The following NTM variants were observed in gnomAD, a reference collection of about 807,000 sequenced individuals.
NTM encodes IgLON family member 2.
A neutral mutation model predicts 42.1 loss-of-function variants in NTM; 13 were observed. The ratio of observed to expected loss-of-function variants is 0.31; its 90% confidence interval spans 0.20 to 0.49. The LOEUF (loss-of-function observed/expected upper bound fraction) is 0.49. Among genes scored for constraint, NTM ranks in the 20% least tolerant of loss-of-function variants. The probability of loss-of-function intolerance (pLI) is 0.99; values close to 1 mark genes in which losing one functional copy is unlikely to be tolerated. For synonymous variants in NTM, 187 were observed against 179.2 expected (o/e 1.04, Z -0.35); for missense variants, 373 against 452.8 (o/e 0.82, Z 1.60).
chr11:131,520,250 T>G (rs2049452996), intron 1 of NTM, among the ~76,000 whole-genome samples: 2 of 152,164 alleles, frequency 1.3e-5, no homozygotes, highest in Non-Finnish European at 1.5e-5. Flanking sequence ...TAGTTCTAGG[T>G]GCTTTATAAA....
chr11:131,723,364 C>T (rs1289363896), intron 1 of NTM, among the ~76,000 whole-genome samples: 1 of 152,198 alleles, frequency 6.6e-6, no homozygotes, highest in African/African-American at 2.4e-5. Flanking sequence ...TCCGCTCAAG[C>T]GATGTAGATT....
At chr11:131,906,992 C>A (rs139070602) in intron 1 of NTM, among the ~76,000 whole-genome samples, 4 of 152,306 alleles carry the variant, frequency 2.6e-5, no homozygotes, top group Non-Finnish European at 5.9e-5. Flanking sequence ...GCCCTAGAGG[C>A]ATCTCTTTAT....
At chr11:131,922,907 C>T (rs1328631571) in intron 2 of NTM, among the ~76,000 whole-genome samples, 5 of 152,172 alleles carry the variant, frequency 3.3e-5, no homozygotes, top group Admixed American at 6.5e-5. Flanking sequence ...CTGCCTCGCT[C>T]GTGGGAATGC....
chr11:131,447,380 C>T (rs547863527), intron 1 of NTM, among the ~76,000 whole-genome samples: 102 of 152,288 alleles, frequency 6.7e-4, no homozygotes, highest in Middle Eastern at 3.4e-3. Flanking sequence ...TTGCTTCCCA[C>T]TTGGGCCCTG....
intron 1 of NTM, among the ~76,000 whole-genome samples, chr11:131,558,144 G>A (rs2055706250): frequency 6.6e-6 from 1 of 152,188 alleles, no homozygotes. Flanking sequence ...CAAGGCGGAT[G>A]CTTGAGGTTG....
At chr11:132,205,800 A>T (rs1246498904) in intron 3 of NTM, among the ~76,000 whole-genome samples, 1 of 152,192 alleles carries the variant, frequency 6.6e-6, no homozygotes, top group African/African-American at 2.4e-5. Context: ...GATCTTGCCC[A>T]GACCTCCGAT....
intron 1 of NTM, among the ~76,000 whole-genome samples, chr11:131,837,606 C>T (rs1278160418): frequency 1.3e-5 from 2 of 152,168 alleles, no homozygotes; most frequent in Admixed American, 1.3e-4. Context: ...CTACATTTGG[C>T]CTGGGTGGTC....
chr11:131,789,780 C>A (rs1347277984), intron 1 of NTM, among the ~76,000 whole-genome samples: 1 of 130,904 alleles, frequency 7.6e-6, no homozygotes, highest in Non-Finnish European at 1.7e-5. Flanking sequence ...CACGGTGAAA[C>A]CCCGTCTCTA....
chr11:132,093,368 A>G (rs1475200085), intron 2 of NTM, among the ~76,000 whole-genome samples: 1 of 152,192 alleles, frequency 6.6e-6, no homozygotes, highest in Non-Finnish European at 1.5e-5. Flanking sequence ...CACTAGAAAG[A>G]GCACAAGATT....
At chr11:131,606,089 G>C (rs2060931598) in intron 1 of NTM, 3 of 166,172 alleles carry the variant, frequency 1.8e-5, no homozygotes, top group Admixed American at 6.5e-5. Context: ...TGTCATTCAG[G>C]CTGGAGTGCA....
intron 2 of NTM, among the ~76,000 whole-genome samples, chr11:132,028,878 C>T (rs1381714382): frequency 1.3e-5 from 2 of 152,004 alleles, no homozygotes; most frequent in Non-Finnish European, 2.9e-5. Flanking sequence ...CTGTGAGAAC[C>T]TCCTAGGGCT....
At chr11:131,900,283 A>G (rs2052954742) in intron 1 of NTM, among the ~76,000 whole-genome samples, 1 of 152,254 alleles carries the variant, frequency 6.6e-6, no homozygotes, top group Admixed American at 6.5e-5. Flanking sequence ...ACAAAATCTG[A>G]CATGGCTCCA....
At chr11:131,506,068 G>A (rs1350637592) in intron 1 of NTM, among the ~76,000 whole-genome samples, 1 of 152,108 alleles carries the variant, frequency 6.6e-6, no homozygotes, top group African/African-American at 2.4e-5. Flanking sequence ...GGATGAGGGG[G>A]AGAGAGAAGA....
At chr11:131,605,447 T>C (rs2060864754) in intron 1 of NTM, among the ~76,000 whole-genome samples, 1 of 152,220 alleles carries the variant, frequency 6.6e-6, no homozygotes, top group Non-Finnish European at 1.5e-5. Flanking sequence ...TTCTAATACT[T>C]TCTTAGTGGT....
chr11:131,948,748 C>T (rs1225535546), intron 2 of NTM, among the ~76,000 whole-genome samples: 3 of 152,148 alleles, frequency 2.0e-5, no homozygotes, highest in South Asian at 2.1e-4. Flanking sequence ...ATGGCCCCAC[C>T]GCCCCAGTGC....
intron 1 of NTM, among the ~76,000 whole-genome samples, chr11:131,387,549 G>C (rs1035258590): frequency 2.0e-5 from 3 of 152,300 alleles, no homozygotes; most frequent in African/African-American, 7.2e-5. Flanking sequence ...GCTGAGAAAG[G>C]AGAACAACAA....
intron 1 of NTM, among the ~76,000 whole-genome samples, chr11:131,808,857 G>A (rs2092624358): frequency 1.3e-5 from 2 of 152,298 alleles, no homozygotes; most frequent in Non-Finnish European, 2.9e-5. Flanking sequence ...AGAGGCTGGC[G>A]GGACAAAAGA....
rs567106521 is a variant in NTM at position 132,242,550 on chromosome 11, C to T, written c.526+30403C>T. ...TTATCAAAAGAGCAAAGAAATTCTA[C>T]TTCCCTTTCCCCTCCCTCAGGTGCC... On this transcript the variant is annotated intron_variant, in intron 4 of 8. Coordinates refer to ENST00000683400, the MANE Select transcript of NTM (RefSeq NM_001352005.2). Among the ~76,000 whole-genome samples the T allele has an allele frequency of 2.0e-5, 3 of 152,364 alleles. No individual in the cohort carries two copies. The South Asian group carries it at 6.2e-4, about 32-fold the overall frequency.
chr11:132,325,450 A>G (rs1017940898), intron 7 of NTM, among the ~76,000 whole-genome samples: 7 of 152,230 alleles, frequency 4.6e-5, no homozygotes, highest in African/African-American at 1.7e-4. Flanking sequence ...AGAAATGCAA[A>G]TCAAAACCAC....
Sources: allele counts gnomAD v4.1 joint callset (sites outside exome capture counted in the v4.1 genomes callset), GRCh38; gene constraint gnomAD v4.1.1; transcripts MANE v1.5; gene names NCBI Gene and HGNC (gene_info 2026-07-23, HGNC 2026-07-21).